The following SPOCK3 variants were observed in gnomAD, a reference collection of about 807,000 sequenced individuals.
SPOCK3 encodes the protein SPARC (osteonectin), cwcv and kazal like domains proteoglycan 3, also known as testican-3.
SPOCK3 carries 30 observed loss-of-function variants against 56.6 expected under a neutral mutation model. The ratio of observed to expected loss-of-function variants is 0.53; its 90% CI spans 0.40 to 0.72. SPOCK3 has a LOEUF of 0.72. Among genes scored for constraint, SPOCK3 ranks in the 30% least tolerant of loss-of-function variants. SPOCK3 has a pLI of 0.00. For missense variants in SPOCK3, 527 were observed against 530.0 expected (o/e 0.99, Z 0.06); for synonymous variants, 196 against 183.3 (o/e 1.07, Z -0.56).
At chr4:167,119,836 C>G (rs1458606975) in intron 2 of SPOCK3, 5 of 1,534,098 alleles carry the variant, frequency 3.3e-6, no homozygotes, top group Non-Finnish European at 4.4e-6. Flanking sequence ...CTTGTGTGAT[C>G]ATCACTACTG....
intron 5 of SPOCK3, among the ~76,000 whole-genome samples, chr4:166,899,302 G>A (rs368803536): frequency 3.1e-5 from 3 of 97,186 alleles, no homozygotes; most frequent in Admixed American, 1.1e-4. Flanking sequence ...ATCTATCTAT[G>A]TACCCTATGG....
chr4:167,049,980 A>G (rs923476058), intron 3 of SPOCK3, among the ~76,000 whole-genome samples: 1 of 152,174 alleles, frequency 6.6e-6, no homozygotes, highest in African/African-American at 2.4e-5. Flanking sequence ...CAAATACAAA[A>G]TTCCAAACCT....
rs79111010 is a variant in SPOCK3 at position 167,162,586 on chromosome 4, G to T, written c.189+71399C>A. On this transcript the variant is annotated intron_variant, in intron 2 of 10. Transcript: ENST00000357545. ...GCCATCACCACAGAAAGGCCCACTG[G>T]ACAGTGCTGCTCGAAGGTATACATT... 5.5e-3 allele frequency among the ~76,000 whole-genome samples: 844 copies of T among 152,116 alleles called. 6 individuals are homozygous for T. The highest frequency in any genetic ancestry group is 0.019 in the African/African-American group (797 of 41,534).
chr4:166,765,403 AT>A (rs1454076035), intron 7 of SPOCK3, among the ~76,000 whole-genome samples: 1 of 152,152 alleles, frequency 6.6e-6, no homozygotes, highest in East Asian at 1.9e-4. Flanking sequence ...CTTTGTACAT[AT>A]GGCTAGCCAG....
chr4:167,118,916 C>A (rs1037501484), intron 2 of SPOCK3, among the ~76,000 whole-genome samples: 1 of 152,044 alleles, frequency 6.6e-6, no homozygotes, highest in African/African-American at 2.4e-5. Flanking sequence ...TACTATTATC[C>A]GCTGCTGGTT....
chr4:166,788,206 A>AC (rs56157446), intron 7 of SPOCK3, among the ~76,000 whole-genome samples: 34 of 151,398 alleles, frequency 2.2e-4, no homozygotes, highest in Middle Eastern at 3.4e-3. Context: ...AAACAAACAA[A>AC]AAAACCCAGA....
chr4:166,775,599 A>G (rs927520556), intron 7 of SPOCK3, among the ~76,000 whole-genome samples: 2 of 152,192 alleles, frequency 1.3e-5, no homozygotes, highest in Non-Finnish European at 2.9e-5. Context: ...GATACTGAAC[A>G]AAATCTTAAA....
At chr4:166,918,946 C>A (rs1738186823) in intron 4 of SPOCK3, among the ~76,000 whole-genome samples, 1 of 152,078 alleles carries the variant, frequency 6.6e-6, no homozygotes, top group African/African-American at 2.4e-5. Flanking sequence ...GTCTTGATTT[C>A]TCTCTGGCCA....
chr4:167,079,601 A>G (rs1015548024), intron 2 of SPOCK3, among the ~76,000 whole-genome samples: 4 of 151,960 alleles, frequency 2.6e-5, no homozygotes, highest in Admixed American at 6.6e-5. Context: ...CCAAAAACAC[A>G]TAAGAAAGAA....
chr4:166,778,435 T>C (rs1229964236), intron 7 of SPOCK3, among the ~76,000 whole-genome samples: 2 of 152,284 alleles, frequency 1.3e-5, no homozygotes, highest in East Asian at 3.9e-4. Flanking sequence ...CTATTCTGAA[T>C]GACTGAATTG....
At chr4:166,808,527 C>T (rs1743419990) in intron 6 of SPOCK3, among the ~76,000 whole-genome samples, 3 of 151,992 alleles carry the variant, frequency 2.0e-5, no homozygotes, top group Admixed American at 1.3e-4. Context: ...AAGGAGCCCT[C>T]ACCCAAACTC....
intron 3 of SPOCK3, among the ~76,000 whole-genome samples, chr4:167,055,678 G>A (rs568822590): frequency 1.2e-3 from 185 of 152,288 alleles, no homozygotes; most frequent in Non-Finnish European, 1.7e-3. Flanking sequence ...AGGGTCCTAC[G>A]CCCACGGAGT....
intron 2 of SPOCK3, among the ~76,000 whole-genome samples, chr4:167,080,878 C>CTTTTTTTTTT (rs766090610): frequency 7.0e-5 from 9 of 129,050 alleles, no homozygotes; most frequent in Admixed American, 2.3e-4. Flanking sequence ...CTCTTTCTTT[C>CTTTTTTTTTT]TTTTTTTTTT....
chr4:166,918,085 C>T (rs1738074215), intron 4 of SPOCK3, among the ~76,000 whole-genome samples: 1 of 152,102 alleles, frequency 6.6e-6, no homozygotes, highest in South Asian at 2.1e-4. Context: ...ATATGACTGC[C>T]AAGTCATGAT....
intron 3 of SPOCK3, among the ~76,000 whole-genome samples, chr4:167,031,477 C>T (rs1752267399): frequency 6.6e-6 from 1 of 151,974 alleles, no homozygotes; most frequent in African/African-American, 2.4e-5. Context: ...TTTAAGAACA[C>T]ATTCCAATAT....
At chr4:166,937,942 T>C (rs1284184918) in intron 4 of SPOCK3, among the ~76,000 whole-genome samples, 2 of 149,346 alleles carry the variant, frequency 1.3e-5, no homozygotes, top group African/African-American at 4.9e-5. Context: ...CTCTTTTTTT[T>C]TTTTTTTTAA....
chr4:167,129,293 A>G (rs1320697852), intron 2 of SPOCK3, among the ~76,000 whole-genome samples: 1 of 152,248 alleles, frequency 6.6e-6, no homozygotes, highest in Non-Finnish European at 1.5e-5. Flanking sequence ...TTTGAGAAAT[A>G]CGGCTGTAGA....
At chr4:167,221,036 C>T (rs1429823174) in intron 2 of SPOCK3, among the ~76,000 whole-genome samples, 1 of 152,062 alleles carries the variant, frequency 6.6e-6, no homozygotes, top group East Asian at 1.9e-4. Flanking sequence ...GTCAATGTGA[C>T]CGTTTAAAAG....
At chr4:167,195,490 G>T (rs1214078091) in intron 2 of SPOCK3, among the ~76,000 whole-genome samples, 1 of 152,186 alleles carries the variant, frequency 6.6e-6, no homozygotes, top group Non-Finnish European at 1.5e-5. Context: ...CCAGGTTAGT[G>T]GGCCTGCATC....
Sources: allele counts gnomAD v4.1 joint callset (sites outside exome capture counted in the v4.1 genomes callset), GRCh38; gene constraint gnomAD v4.1.1; transcripts MANE v1.5; gene names NCBI Gene and HGNC (gene_info 2026-07-23, HGNC 2026-07-21).